CREB1: variants seen among roughly 807,000 people sequenced by gnomAD.
CREB1 encodes cAMP responsive element binding protein 1, also known as cyclic AMP-responsive element-binding protein 1.
A neutral mutation model predicts 42.0 loss-of-function variants in CREB1; 2 were observed. That is an observed-to-expected ratio of 0.05 (90% CI 0.02 to 0.15). The LOEUF is 0.15. Ranked by LOEUF, CREB1 falls within the 10% of genes least tolerant of loss-of-function variation. The pLI is 1.00. For synonymous variants in CREB1, 123 were observed against 139.9 expected (o/e 0.88, Z 0.85); for missense variants, 199 against 388.9 (o/e 0.51, Z 4.11).
At chr2:207,567,823 T>A (rs989491849) in intron 4 of CREB1, 3 of 255,542 alleles carry the variant, frequency 1.2e-5, no homozygotes, top group African/African-American at 2.2e-5. Flanking sequence ...TGTTAAAAGT[T>A]TGGAATACAG....
intron 1 of CREB1, among the ~76,000 whole-genome samples, chr2:207,555,024 G>A (rs1484249862): frequency 6.6e-6 from 1 of 152,104 alleles, no homozygotes; most frequent in Non-Finnish European, 1.5e-5. Flanking sequence ...GAGATGAACT[G>A]TGAGAACATG....
At chr2:207,569,469 C>G (rs1404123172) in intron 4 of CREB1, among the ~76,000 whole-genome samples, 1 of 151,634 alleles carries the variant, frequency 6.6e-6, no homozygotes, top group East Asian at 1.9e-4. Context: ...TTTTTTGTTT[C>G]CCAATCTGAG....
chr2:207,600,262 T>TATAC lies in CREB1; in HGVS notation c.*3205_*3206insTACA, dbSNP rs1006383538. The TATAC allele has an allele frequency of 6.5e-6, 1 of 153,608 alleles. No homozygotes were observed. Among genetic ancestry groups the TATAC allele is most frequent in the African/African-American group, 2.6e-5 (1 of 38,436 alleles). The allele number at this position is 153,608 out of a possible 1,614,324, so 9.5% of individuals were successfully genotyped here. On this transcript the variant is annotated 3_prime_UTR_variant, in exon 8 of 8. Transcript: ENST00000353267. ...ACATATATATATATATATATATATA[T>TATAC]ACATACAGTATATAATCTAAAGCTC...
intron 5 of CREB1, among the ~76,000 whole-genome samples, chr2:207,572,965 G>A (rs1045747504): frequency 1.3e-5 from 2 of 152,050 alleles, no homozygotes; most frequent in Non-Finnish European, 2.9e-5. Flanking sequence ...TATTAGTTCA[G>A]TGTCCCAGAT....
intron 1 of CREB1, among the ~76,000 whole-genome samples, chr2:207,551,934 C>G (rs1574809490): frequency 6.8e-6 from 1 of 146,982 alleles, no homozygotes; most frequent in African/African-American, 2.5e-5. Context: ...CCCAGCTACT[C>G]AGGAGGCTGA....
chr2:207,557,509 G>A (rs185885499), intron 2 of CREB1, among the ~76,000 whole-genome samples: 9 of 152,158 alleles, frequency 5.9e-5, no homozygotes, highest in East Asian at 1.9e-4. Context: ...AGTGAAGCCC[G>A]TCTCTACTAA....
At chr2:207,575,848 T>G (rs1308619261) in intron 6 of CREB1, among the ~76,000 whole-genome samples, 1 of 151,466 alleles carries the variant, frequency 6.6e-6, no homozygotes, top group African/African-American at 2.4e-5. Context: ...TTGTTGTTGT[T>G]GTTTTTGTTT....
chr2:207,534,189 G>A (rs2080770660), intron 1 of CREB1, among the ~76,000 whole-genome samples: 1 of 152,158 alleles, frequency 6.6e-6, no homozygotes, highest in African/African-American at 2.4e-5. Context: ...TAAGTCCCAG[G>A]CATTGTGCAA....
intron 1 of CREB1, among the ~76,000 whole-genome samples, chr2:207,535,798 ATTTATTTATTTATTTATTTATT>A (rs1232943928): frequency 7.0e-6 from 1 of 143,250 alleles, no homozygotes; most frequent in Non-Finnish European, 1.5e-5. Context: ...ATACTTTTTT[ATTTATTTATTTATTTATTTATT>A]TTTATTTATT....
At position 207,551,082 on chromosome 2, in the gene CREB1, A is replaced by T. The variant is rs549033183; in HGVS notation, c.-8-4546A>T. ...AGGGCTATAGTTCAACCCTTTGCTGATACCATTTTTCTTATAGAAAAAGTT... is the reference window on the plus strand; with the variant it reads ...AGGGCTATAGTTCAACCCTTTGCTGTTACCATTTTTCTTATAGAAAAAGTT... On this transcript the variant is annotated intron_variant, in intron 1 of 7. Coordinates refer to ENST00000353267, the MANE Select transcript of CREB1 (RefSeq NM_004379.5). 1.1e-4 allele frequency among the ~76,000 whole-genome samples: 16 copies of T among 152,288 alleles called. No homozygotes were observed. In the South Asian group the frequency reaches 3.3e-3, roughly 32 times the overall value.
At chr2:207,537,545 G>T (rs2080924089) in intron 1 of CREB1, among the ~76,000 whole-genome samples, 1 of 152,196 alleles carries the variant, frequency 6.6e-6, no homozygotes, top group Non-Finnish European at 1.5e-5. Flanking sequence ...GAACGTGGTT[G>T]TTTTTTCTCT....
At chr2:207,552,497 G>A (rs971212233) in intron 1 of CREB1, among the ~76,000 whole-genome samples, 9 of 137,722 alleles carry the variant, frequency 6.5e-5, no homozygotes, top group African/African-American at 2.3e-4. Flanking sequence ...TTCAAAAATG[G>A]TTGTGTATAC....
intron 2 of CREB1, 29 bp downstream of exon 2, chr2:207,555,778 T>A: frequency 7.0e-7 from 1 of 1,420,208 alleles, no homozygotes; most frequent in Non-Finnish European, 9.9e-7. Context: ...GATTCCAGTT[T>A]GTGTCTCTTC....
intron 1 of CREB1, among the ~76,000 whole-genome samples, chr2:207,546,751 AAAAC>A (rs1425956536): frequency 2.6e-5 from 4 of 152,000 alleles, no homozygotes; most frequent in African/African-American, 4.8e-5. Flanking sequence ...AAAAACAACA[AAAAC>A]AAATCAAAGC....
intron 2 of CREB1, among the ~76,000 whole-genome samples, chr2:207,558,427 C>A (rs2081819509): frequency 6.6e-6 from 1 of 152,122 alleles, no homozygotes; most frequent in South Asian, 2.1e-4. Context: ...ATCTGCAGTT[C>A]CTCTCTCACC....
intron 1 of CREB1, among the ~76,000 whole-genome samples, chr2:207,544,343 G>T (rs1285520090): frequency 6.6e-6 from 1 of 152,104 alleles, no homozygotes; most frequent in African/African-American, 2.4e-5. Flanking sequence ...CCATAAATAG[G>T]CAGCTATTCT....
intron 1 of CREB1, among the ~76,000 whole-genome samples, chr2:207,549,834 T>A (rs985757794): frequency 3.3e-5 from 5 of 151,772 alleles, no homozygotes; most frequent in African/African-American, 9.7e-5. Flanking sequence ...TACAAAAAAA[T>A]TGGCACACAC....
rs558573262 is a variant in CREB1, at chr2:207,598,348, G to A, written c.*1290G>A. 332 of 184,058 alleles carry A rather than the reference G, an allele frequency of 1.8e-3. 3 individuals carry two copies. The highest frequency in any genetic ancestry group is 7.3e-3 in the African/African-American group (312 of 42,698). The allele number at this position is 184,058 out of a possible 1,614,324, so 11.4% of individuals were successfully genotyped here. On this transcript the variant is annotated 3_prime_UTR_variant, in exon 8 of 8. Coordinates refer to ENST00000353267, the MANE Select transcript of CREB1 (RefSeq NM_004379.5). ...TTCTGCTTTAGCTTTCCAATATGCT[G>A]TATAGCCTTTGTCATTTTATAATTT... is the stretch of plus-strand genomic sequence containing the variant.
chr2:207,572,541 C>G (rs532776873), intron 5 of CREB1, among the ~76,000 whole-genome samples: 2 of 152,280 alleles, frequency 1.3e-5, no homozygotes, highest in African/African-American at 4.8e-5. Flanking sequence ...TAAACATTCT[C>G]CTGCTGATGA....
Sources: allele counts gnomAD v4.1 joint callset (sites outside exome capture counted in the v4.1 genomes callset), GRCh38; gene constraint gnomAD v4.1.1; transcripts MANE v1.5; gene names NCBI Gene and HGNC (gene_info 2026-07-23, HGNC 2026-07-21).